ICA1: variants seen among roughly 807,000 people sequenced by gnomAD.
ICA1 encodes the protein islet cell autoantigen 1, also known as 69 kDa islet cell autoantigen.
A neutral mutation model predicts 71.0 loss-of-function variants in ICA1; 40 were observed. The observed-to-expected ratio is 0.56, with a 90% CI of 0.44 to 0.73. The LOEUF is 0.73. Among genes scored for constraint, ICA1 ranks in the 30% least tolerant of loss-of-function variants. The probability of loss-of-function intolerance (pLI) is 0.00; values close to 1 mark genes in which losing one functional copy is unlikely to be tolerated. For synonymous variants in ICA1, 207 were observed against 209.5 expected (o/e 0.99, Z 0.10); for missense variants, 578 against 576.5 (o/e 1.00, Z -0.03).
intron 12 of ICA1, among the ~76,000 whole-genome samples, chr7:8,133,351 G>C (rs1344671731): frequency 6.6e-6 from 1 of 152,140 alleles, no homozygotes; most frequent in African/African-American, 2.4e-5. Flanking sequence ...CTGGAGTGCA[G>C]TGGTGCAACC....
In ICA1 at chr7:8,261,729, C is replaced by T. The variant is rs866481451; in HGVS notation, c.-80+365G>A. 4.6e-5 allele frequency among the ~76,000 whole-genome samples: 5 copies of T among 108,456 alleles called. No homozygotes were observed. The South Asian group carries it at 1.7e-3, about 37-fold the overall frequency. 71.2% of individuals were successfully genotyped at this position (108,456 alleles called of 152,430 possible). A position where few individuals can be genotyped will look rare whatever the true frequency, so the allele number is the denominator to read the frequency against. ...CTCGGGGTCCTGGGGCCGGAGCCGC[C>T]GGGAAGGCGAGGCGCGCGGTGGGTG... On this transcript the variant is annotated intron_variant, in intron 1 of 13. Transcript: ENST00000402384.
chr7:8,209,744 T>C (rs575209469), intron 6 of ICA1, among the ~76,000 whole-genome samples: 689 of 9,650 alleles, frequency 0.071, 23 homozygotes, highest in East Asian at 0.52. Flanking sequence ...CGGCAAAGGC[T>C]CCCTGAGGGT....
intron 1 of ICA1, among the ~76,000 whole-genome samples, chr7:8,250,937 G>A (rs1807949330): frequency 6.6e-6 from 1 of 150,516 alleles, no homozygotes; most frequent in African/African-American, 2.5e-5. Flanking sequence ...ATCTTGCTCA[G>A]TTGCCCAGGC....
intron 6 of ICA1, among the ~76,000 whole-genome samples, chr7:8,167,754 G>A (rs1806630109): frequency 6.6e-6 from 1 of 152,116 alleles, no homozygotes; most frequent in African/African-American, 2.4e-5. Context: ...GACCAGGGAT[G>A]GACATCTTTA....
At chr7:8,147,997 C>T (rs555214084) in intron 8 of ICA1, among the ~76,000 whole-genome samples, 29 of 151,982 alleles carry the variant, frequency 1.9e-4, no homozygotes, top group Admixed American at 3.9e-4. Flanking sequence ...CTACATGGTC[C>T]CAGTGTGAAT....
chr7:8,119,959 G>T (rs1786229736), intron 13 of ICA1, among the ~76,000 whole-genome samples: 1 of 152,146 alleles, frequency 6.6e-6, no homozygotes, highest in Admixed American at 6.5e-5. Flanking sequence ...TCTTCTACTT[G>T]AATTCCTTTG....
chr7:8,212,419 G>A (rs1321522073), intron 6 of ICA1, among the ~76,000 whole-genome samples: 1 of 152,078 alleles, frequency 6.6e-6, no homozygotes, highest in African/African-American at 2.4e-5. Flanking sequence ...ACAAAAATTA[G>A]CTGGGTGTGG....
chr7:8,236,750 C>T (rs1801965888), intron 1 of ICA1: 1 of 152,382 alleles, frequency 6.6e-6, no homozygotes, highest in South Asian at 2.1e-4. Context: ...TCCATTTGCT[C>T]CACTCATGGA....
intron 8 of ICA1, 125 bp downstream of exon 8, chr7:8,156,991 C>T (rs1801837620): frequency 2.6e-5 from 41 of 1,584,828 alleles, no homozygotes; most frequent in Non-Finnish European, 3.3e-5. Context: ...CTGCTGGGGG[C>T]ACAGTTCTCT....
chr7:8,158,174 C>A (rs1328553983), intron 7 of ICA1, among the ~76,000 whole-genome samples: 3 of 152,114 alleles, frequency 2.0e-5, no homozygotes, highest in Non-Finnish European at 4.4e-5. Context: ...TGGACAGACA[C>A]AACGCTAAGT....
At chr7:8,116,452 T>C (rs1784833334) in intron 13 of ICA1, 1 of 152,232 alleles carries the variant, frequency 6.6e-6, no homozygotes, top group Non-Finnish European at 1.5e-5. Flanking sequence ...CATACTGGAA[T>C]ACATTTGAGG....
chr7:8,153,216 C>A (rs1302761987), intron 8 of ICA1, among the ~76,000 whole-genome samples: 2 of 152,176 alleles, frequency 1.3e-5, no homozygotes, highest in African/African-American at 4.8e-5. Context: ...AGAACAAAGT[C>A]AAAAAACTGG....
intron 6 of ICA1, 31 bp from the exon 7 acceptor site, chr7:8,158,683 C>T (rs756126096): frequency 1.9e-6 from 3 of 1,611,426 alleles, no homozygotes; most frequent in South Asian, 2.2e-5. Context: ...TTCTGAATCA[C>T]CCTAACCCTT....
intron 6 of ICA1, among the ~76,000 whole-genome samples, chr7:8,184,947 G>A (rs1199422048): frequency 7.2e-5 from 11 of 152,008 alleles, no homozygotes; most frequent in African/African-American, 2.2e-4. Flanking sequence ...GGTGGCGTGC[G>A]CCTATAGTCC....
chr7:8,258,609 T>C (rs1391074086), intron 1 of ICA1, among the ~76,000 whole-genome samples: 1 of 152,198 alleles, frequency 6.6e-6, no homozygotes, highest in Non-Finnish European at 1.5e-5. Flanking sequence ...AGTTCAGTTA[T>C]CTTAAGCAAC....
intron 4 of ICA1, 116 bp from the exon 5 acceptor site, chr7:8,221,514 T>A: frequency 8.3e-7 from 1 of 1,206,874 alleles, no homozygotes; most frequent in Non-Finnish European, 1.2e-6. Flanking sequence ...GAGATGAAAT[T>A]AAATCTAAGC....
intron 6 of ICA1, among the ~76,000 whole-genome samples, chr7:8,211,462 G>A (rs116273371): frequency 0.017 from 2,656 of 152,210 alleles, 73 homozygotes; most frequent in African/African-American, 0.061. Flanking sequence ...CTGGTTTGTA[G>A]ATCAGGTCTC....
At chr7:8,148,631 T>C (rs2128149308) in intron 8 of ICA1, among the ~76,000 whole-genome samples, 1 of 152,304 alleles carries the variant, frequency 6.6e-6, no homozygotes, top group South Asian at 2.1e-4. Context: ...CTGATGACAG[T>C]GAGGACATAC....
At chr7:8,170,035 A>T (rs775374267) in intron 6 of ICA1, among the ~76,000 whole-genome samples, 7 of 151,896 alleles carry the variant, frequency 4.6e-5, no homozygotes, top group Non-Finnish European at 1.0e-4. Flanking sequence ...TAGACTTGAG[A>T]TCTGATTCAA....
Sources: gnomAD v4.1 joint callset for allele counts (sites outside exome capture counted in the v4.1 genomes callset) on GRCh38, gnomAD v4.1.1 for gene constraint, MANE v1.5 for transcripts, NCBI Gene and HGNC (gene_info 2026-07-23, HGNC 2026-07-21) for gene names.